AKAP19: variants seen among roughly 807,000 people sequenced by gnomAD.
The protein encoded by AKAP19 is A-kinase anchoring protein 19.
the AKAP19 span, among the ~76,000 whole-genome samples, chr2:189,976,804 C>T: frequency 3.9e-5 from 6 of 152,160 alleles, no homozygotes; most frequent in Non-Finnish European, 7.3e-5. Context: ...TCCTGGTGTG[C>T]CGTTTACTAA....
At chr2:189,882,309 A>C in the AKAP19 span, among the ~76,000 whole-genome samples, 1 of 152,168 alleles carries the variant, frequency 6.6e-6, no homozygotes, top group Non-Finnish European at 1.5e-5. Context: ...ATCTCAATCA[A>C]TTTAGAAAGT....
chr2:190,155,745 T>C, the AKAP19 span, among the ~76,000 whole-genome samples: 1 of 152,104 alleles, frequency 6.6e-6, no homozygotes, highest in African/African-American at 2.4e-5. Flanking sequence ...AGCTTTAGAA[T>C]AGTCATTGGA....
the AKAP19 span, among the ~76,000 whole-genome samples, chr2:189,952,462 T>C: frequency 1.3e-5 from 2 of 152,074 alleles, no homozygotes; most frequent in African/African-American, 4.8e-5. Context: ...AGTACCTAGA[T>C]CTTAGAAATA....
chr2:190,115,766 T>G, the AKAP19 span, among the ~76,000 whole-genome samples: 1 of 152,154 alleles, frequency 6.6e-6, no homozygotes, highest in Non-Finnish European at 1.5e-5. Flanking sequence ...CCTTTCCTGG[T>G]CAGAGAATGA....
the AKAP19 span, among the ~76,000 whole-genome samples, chr2:190,063,385 T>A: frequency 6.6e-6 from 1 of 152,096 alleles, no homozygotes; most frequent in African/African-American, 2.4e-5. Context: ...AAAATTATAC[T>A]GAACTTTTGA....
chr2:190,195,941 CTT>C, the AKAP19 span, among the ~76,000 whole-genome samples: 1,789 of 86,150 alleles, frequency 0.021, 33 homozygotes, highest in African/African-American at 0.067. Context: ...CTGTGTCCAG[CTT>C]TTTTTTTTTT....
At chr2:190,009,164 G>A in the AKAP19 span, among the ~76,000 whole-genome samples, 4 of 152,264 alleles carry the variant, frequency 2.6e-5, no homozygotes, top group African/African-American at 9.6e-5. Context: ...GTGGTGTCGG[G>A]AGGGGACCAG....
the AKAP19 span, among the ~76,000 whole-genome samples, chr2:190,134,194 T>G: frequency 6.6e-6 from 1 of 152,126 alleles, no homozygotes; most frequent in African/African-American, 2.4e-5. Context: ...TTAAAAGACA[T>G]GGTAAATAGG....
At chr2:190,004,755 C>A in the AKAP19 span, among the ~76,000 whole-genome samples, 980 of 152,190 alleles carry the variant, frequency 6.4e-3, 14 homozygotes, top group African/African-American at 0.022. Context: ...AAGAGCAGAG[C>A]ATTCTAGTGC....
At chr2:189,930,787 C>T in the AKAP19 span, 12 of 811,406 alleles carry the variant, frequency 1.5e-5, no homozygotes, top group South Asian at 1.7e-4. Flanking sequence ...GTCATAAACT[C>T]CTTTAGGCAG....
chr2:190,152,477 C>CTCTGTT, the AKAP19 span, among the ~76,000 whole-genome samples: 1 of 152,190 alleles, frequency 6.6e-6, no homozygotes, highest in African/African-American at 2.4e-5. Flanking sequence ...ACTTTTTCTA[C>CTCTGTT]TCTGTTTCAT....
chr2:190,170,293 G>A, the AKAP19 span, among the ~76,000 whole-genome samples: 1 of 152,214 alleles, frequency 6.6e-6, no homozygotes, highest in Non-Finnish European at 1.5e-5. Flanking sequence ...GAATTTGGGA[G>A]CAGGGGGGAA....
chr2:190,053,347 GA>G, the AKAP19 span, among the ~76,000 whole-genome samples: 1 of 152,002 alleles, frequency 6.6e-6, no homozygotes, highest in Non-Finnish European at 1.5e-5. Flanking sequence ...TGTAATCTAG[GA>G]AAAAATATTT....
the AKAP19 span, among the ~76,000 whole-genome samples, chr2:190,136,884 T>G: frequency 2.0e-5 from 3 of 152,204 alleles, no homozygotes; most frequent in African/African-American, 2.4e-5. Context: ...CAGGAAGCAA[T>G]TATGACTCTA....
chr2:190,098,986 G>A, the AKAP19 span, among the ~76,000 whole-genome samples: 183 of 152,302 alleles, frequency 1.2e-3, 2 homozygotes, highest in African/African-American at 4.3e-3. Flanking sequence ...AAAAGAGTTT[G>A]TGTTTTGCTC....
the AKAP19 span, among the ~76,000 whole-genome samples, chr2:189,922,879 G>A: frequency 6.6e-6 from 1 of 152,152 alleles, no homozygotes; most frequent in Non-Finnish European, 1.5e-5. Flanking sequence ...ACTGGGTGCG[G>A]TGGCTCATGC....
At chr2:189,905,816 G>A in the AKAP19 span, among the ~76,000 whole-genome samples, 15 of 151,992 alleles carry the variant, frequency 9.9e-5, no homozygotes, top group Admixed American at 2.0e-4. Context: ...TTCTTTCCAT[G>A]TTAGGGAAGT....
At chr2:190,142,793 G>A in the AKAP19 span, among the ~76,000 whole-genome samples, 357 of 152,316 alleles carry the variant, frequency 2.3e-3, 4 homozygotes, top group African/African-American at 8.1e-3. Context: ...TGAATTCAAG[G>A]ACAAGTCAGA....
the AKAP19 span, among the ~76,000 whole-genome samples, chr2:189,912,968 T>G: frequency 1.3e-5 from 2 of 152,174 alleles, no homozygotes; most frequent in Admixed American, 1.3e-4. Context: ...TAGAGTATTT[T>G]ATTTTAATTT....
Sources: allele counts gnomAD v4.1 joint callset (sites outside exome capture counted in the v4.1 genomes callset), GRCh38; gene constraint gnomAD v4.1.1; transcripts MANE v1.5; gene names NCBI Gene and HGNC (gene_info 2026-07-23, HGNC 2026-07-21).